DGKI: variants seen among roughly 807,000 people sequenced by gnomAD.
The protein encoded by DGKI is DAG kinase iota.
DGKI carries 55 observed loss-of-function variants against 147.5 expected under a neutral mutation model. That is an observed-to-expected ratio of 0.37 (90% CI 0.30 to 0.47). DGKI has a LOEUF of 0.47. Ranked by LOEUF, DGKI falls within the 20% of genes least tolerant of loss-of-function variation. The pLI is 1.00. For missense variants in DGKI, 1,007 were observed against 1,323.8 expected, an observed-to-expected ratio of 0.76 and a Z score of 3.71; for synonymous variants, 469 against 477.1, an observed-to-expected ratio of 0.98 and a Z score of 0.22.
intron 1 of DGKI, among the ~76,000 whole-genome samples, chr7:137,707,837 A>G (rs981709121): frequency 6.6e-6 from 1 of 152,208 alleles, no homozygotes; most frequent in African/African-American, 2.4e-5. Flanking sequence ...TAATACAACC[A>G]TCCTGACCAA....
In DGKI at chr7:137,501,847, T is replaced by C. The variant is rs376488692; in HGVS notation, c.2249-14158A>G. Among the ~76,000 whole-genome samples, 7 of 152,144 alleles carry C rather than the reference T, an allele frequency of 4.6e-5. No homozygotes were observed. In the East Asian group the frequency reaches 1.2e-3, roughly 25 times the overall value. On this transcript the variant is annotated intron_variant, in intron 21 of 32. Transcript: ENST00000614521. ...GTTTGGCTCTGTGACCCCACCCAAA[T>C]CTCATCTTGTAGCTCCCATAATTCC...
intron 6 of DGKI, among the ~76,000 whole-genome samples, chr7:137,628,198 G>A (rs1250949299): frequency 2.6e-5 from 4 of 152,038 alleles, no homozygotes; most frequent in African/African-American, 9.7e-5. Flanking sequence ...TCTGGTTTTT[G>A]GGAGAGAATA....
At chr7:137,510,186 T>C (rs1171581943) in intron 21 of DGKI, among the ~76,000 whole-genome samples, 1 of 152,228 alleles carries the variant, frequency 6.6e-6, no homozygotes, top group African/African-American at 2.4e-5. Context: ...CTATGACATG[T>C]CATCCTTGTC....
chr7:137,472,895 A>G (rs897462722), intron 23 of DGKI, among the ~76,000 whole-genome samples: 5 of 152,126 alleles, frequency 3.3e-5, no homozygotes, highest in Non-Finnish European at 7.4e-5. Context: ...CACAATAAAA[A>G]AAATCCTAAT....
chr7:137,392,556 A>C (rs944932059), intron 32 of DGKI, among the ~76,000 whole-genome samples: 1 of 152,188 alleles, frequency 6.6e-6, no homozygotes, highest in Non-Finnish European at 1.5e-5. Context: ...AACCTGCTCT[A>C]CATAGCCTAC....
intron 10 of DGKI, among the ~76,000 whole-genome samples, chr7:137,603,567 A>T (rs1032493018): frequency 6.6e-6 from 1 of 152,166 alleles, no homozygotes; most frequent in Admixed American, 6.5e-5. Context: ...CTGGAAGGAG[A>T]GCAATACAAA....
chr7:137,830,940 G>C (rs1212683479), intron 1 of DGKI, among the ~76,000 whole-genome samples: 1 of 152,140 alleles, frequency 6.6e-6, no homozygotes, highest in African/African-American at 2.4e-5. Flanking sequence ...CCCTGTGTGA[G>C]ACAGTTTTCT....
chr7:137,572,667 T>A, intron 18 of DGKI, 98 bp downstream of exon 18: 1 of 760,820 alleles, frequency 1.3e-6, no homozygotes, highest in South Asian at 1.9e-5. Context: ...AGATAACTGA[T>A]CTTCATTGTT....
At chr7:137,576,169 C>T (rs1818967898) in intron 17 of DGKI, among the ~76,000 whole-genome samples, 1 of 151,632 alleles carries the variant, frequency 6.6e-6, no homozygotes, top group East Asian at 1.9e-4. Flanking sequence ...TCCCGAGTAG[C>T]TGGGACTACA....
intron 1 of DGKI, among the ~76,000 whole-genome samples, chr7:137,840,377 G>A (rs1798511896): frequency 6.6e-6 from 1 of 152,224 alleles, no homozygotes; most frequent in South Asian, 2.1e-4. Flanking sequence ...CAATGGTCAG[G>A]ACTCCAGGAA....
intron 1 of DGKI, among the ~76,000 whole-genome samples, chr7:137,756,076 C>T (rs750768136): frequency 6.6e-6 from 1 of 152,188 alleles, no homozygotes; most frequent in Non-Finnish European, 1.5e-5. Flanking sequence ...GTAACAGACA[C>T]AGAAGAATCT....
At chr7:137,405,739 C>T (rs1562998562) in intron 30 of DGKI, among the ~76,000 whole-genome samples, 1 of 152,094 alleles carries the variant, frequency 6.6e-6, no homozygotes, top group Non-Finnish European at 1.5e-5. Context: ...CCCTGGGAAC[C>T]CCAGCACTAC....
intron 12 of DGKI, among the ~76,000 whole-genome samples, chr7:137,596,073 T>TGAGGGAGG (rs1352645968): frequency 6.0e-5 from 6 of 100,084 alleles, no homozygotes; most frequent in Admixed American, 2.2e-4. Flanking sequence ...GGAGAGAGAA[T>TGAGGGAGG]GAGGGAGGGA....
intron 27 of DGKI, among the ~76,000 whole-genome samples, chr7:137,451,431 CT>C (rs1563026541): frequency 6.6e-6 from 1 of 152,156 alleles, no homozygotes; most frequent in Non-Finnish European, 1.5e-5. Flanking sequence ...CTCAAAGATA[CT>C]TTTTTTAGAT....
chr7:137,788,635 TACACACACACACACACACACACACAC>T (rs745381286), intron 1 of DGKI, among the ~76,000 whole-genome samples: 1 of 120,122 alleles, frequency 8.3e-6, no homozygotes, highest in Non-Finnish European at 1.7e-5. Context: ...AACCCATAAA[TACACACACACACACACACACACACAC>T]ACATACACAC....
chr7:137,632,594 C>T (rs1344843328), intron 6 of DGKI, among the ~76,000 whole-genome samples: 1 of 150,868 alleles, frequency 6.6e-6, no homozygotes, highest in Non-Finnish European at 1.5e-5. Context: ...CATGGTGGCT[C>T]ACACCTGTAA....
intron 1 of DGKI, among the ~76,000 whole-genome samples, chr7:137,844,407 T>C (rs192220478): frequency 6.6e-6 from 1 of 152,266 alleles, no homozygotes; most frequent in Admixed American, 6.5e-5. Flanking sequence ...AATCCCCATA[T>C]ATTAGTCTGC....
intron 20 of DGKI, among the ~76,000 whole-genome samples, chr7:137,528,727 C>T (rs962453028): frequency 6.6e-6 from 1 of 152,130 alleles, no homozygotes; most frequent in Non-Finnish European, 1.5e-5. Flanking sequence ...ATTCTATACG[C>T]CCCTATGACT....
At position 137,570,122 on chromosome 7, in the gene DGKI, C is replaced by A. The variant is rs557156597; in HGVS notation, c.1947+1053G>T. 9.2e-5 allele frequency among the ~76,000 whole-genome samples: 14 copies of A among 152,200 alleles called. No individual in the cohort carries two copies. The South Asian group carries it at 2.9e-3, about 32-fold the overall frequency. ...TAGAATGAGAAATACAACCTTCTTT[C>A]TTTTATGCATAAGGTACAGCACAAA... On this transcript the variant is annotated intron_variant, in intron 19 of 32. Transcript: ENST00000614521.
Sources: gnomAD v4.1 joint callset for allele counts (sites outside exome capture counted in the v4.1 genomes callset) on GRCh38, gnomAD v4.1.1 for gene constraint, MANE v1.5 for transcripts, NCBI Gene and HGNC (gene_info 2026-07-23, HGNC 2026-07-21) for gene names.